DISP3: variants seen among roughly 807,000 people sequenced by gnomAD.
DISP3 encodes dispatched RND transporter family member 3, also known as protein dispatched homolog 3.
DISP3 carries 101 observed loss-of-function variants against 135.3 expected under a neutral mutation model. That is an observed-to-expected ratio of 0.75 (90% CI 0.64 to 0.88). The LOEUF is 0.88. DISP3 is among the 40% of genes least tolerant of loss of function. The probability of loss-of-function intolerance (pLI) is 0.00; values close to 1 mark genes in which losing one functional copy is unlikely to be tolerated. For synonymous variants in DISP3, 856 were observed against 817.0 expected (o/e 1.05, Z -0.81); for missense variants, 1,713 against 1,878.6 (o/e 0.91, Z 1.63).
chr1:11,532,899 T>C (rs1642610593), intron 17 of DISP3, among the ~76,000 whole-genome samples: 1 of 152,062 alleles, frequency 6.6e-6, no homozygotes, highest in Admixed American at 6.6e-5. Flanking sequence ...AGAGACGGGG[T>C]TTCACCATAT....
In DISP3 at chr1:11,488,573, T is replaced by C. The variant is rs563318477; in HGVS notation, c.-4+9201T>C. On this transcript the variant is annotated intron_variant, in intron 1 of 20. Transcript: ENST00000294484. ...CATGTCTCCACCCTCCTCCCTTCCG[T>C]GGGACCCACAGTCCAGCCAGCGCTG... Among the ~76,000 whole-genome samples the C allele has an allele frequency of 5.3e-5, 8 of 152,114 alleles. No individual in the cohort carries two copies. The South Asian group carries it at 1.7e-3, about 32-fold the overall frequency.
intron 1 of DISP3, among the ~76,000 whole-genome samples, chr1:11,480,416 C>T (rs1399193346): frequency 6.6e-6 from 1 of 152,138 alleles, no homozygotes; most frequent in Non-Finnish European, 1.5e-5. Flanking sequence ...TACACACCCA[C>T]CCACAATCCT....
chr1:11,534,961 G>T, intron 18 of DISP3, 50 bp from the exon 19 acceptor site: 1 of 1,490,538 alleles, frequency 6.7e-7, no homozygotes. Flanking sequence ...AGCACAGCTT[G>T]CTGCGACCGC....
In DISP3 at chr1:11,536,990, A is replaced by AG. The variant is rs915017861; in HGVS notation, c.*309dup. The AG allele has an allele frequency of 1.5e-5, 6 of 404,298 alleles. No homozygotes were observed. Among genetic ancestry groups the AG allele is most frequent in the African/African-American group, 6.0e-5 (3 of 49,628 alleles). 25.0% of individuals were successfully genotyped at this position (404,298 alleles called of 1,614,324 possible). A position where few individuals can be genotyped will look rare whatever the true frequency, so the allele number is the denominator to read the frequency against. On this transcript the variant is annotated 3_prime_UTR_variant, in exon 21 of 21. Transcript: ENST00000294484. This position sits in a 1 kb window ranked among gnomAD's most constrained non-coding sequence, Gnocchi z 4.3. ...ACCATGGGGGTCAGGTTATTTTTGTAGGGGGTCTCCCTCTCACACTGCCTC... is the reference window on the plus strand; with the variant it reads ...ACCATGGGGGTCAGGTTATTTTTGTAGGGGGGTCTCCCTCTCACACTGCCTC...
intron 1 of DISP3, among the ~76,000 whole-genome samples, chr1:11,498,537 C>T (rs1456367541): frequency 1.3e-5 from 2 of 152,110 alleles, no homozygotes; most frequent in African/African-American, 4.8e-5. Flanking sequence ...CATTCCTTCC[C>T]CTTGAATCTG....
At position 11,501,507 on chromosome 1, in the gene DISP3, C is replaced by T; in HGVS notation, c.515C>T (p.Pro172Leu). Residue 172 changes from proline (P) to leucine (L), a missense_variant, in exon 2 of 21, where the codon CCC (proline) becomes CTC (leucine). Transcript: ENST00000294484. The surrounding 1 kb of genome is among the most constrained non-coding windows in gnomAD (Gnocchi z 4.9). ...CGCTCGCGGCAAGCCTCCCGAGCCC[C>T]CCGCGTCATCCCCGCGGCCTCACTC... ...GNRSRQASRA[P>L]RVIPAASLGG... 6.2e-7 allele frequency: 1 copy of T among 1,605,700 alleles called. No individual in the cohort carries two copies. Among genetic ancestry groups the T allele is most frequent in the Non-Finnish European group, 8.5e-7 (1 of 1,175,882 alleles).
intron 2 of DISP3, 145 bp from the exon 3 acceptor site, chr1:11,502,533 T>G (rs1570091756): frequency 3.0e-6 from 2 of 660,694 alleles, no homozygotes; most frequent in South Asian, 2.0e-5. Flanking sequence ...CAGAGAGAGG[T>G]TGTGGGGCCT....
chr1:11,492,666 C>T (rs374519581), intron 1 of DISP3, among the ~76,000 whole-genome samples: 6 of 152,236 alleles, frequency 3.9e-5, no homozygotes, highest in Admixed American at 6.5e-5. Context: ...CAACAAAGAT[C>T]GTGTTTCTTA....
intron 1 of DISP3, 22 bp from the exon 2 acceptor site, chr1:11,500,968 T>G (rs756369819): frequency 6.2e-7 from 1 of 1,612,464 alleles, no homozygotes; most frequent in South Asian, 1.1e-5. Context: ...TCTAGCCTGC[T>G]GACCCTCTCC....
chr1:11,489,357 G>T (rs1641121205), intron 1 of DISP3, among the ~76,000 whole-genome samples: 1 of 152,254 alleles, frequency 6.6e-6, no homozygotes, highest in Admixed American at 6.5e-5. Context: ...CTGTAGGAGG[G>T]ATTGCAGTCT....
At chr1:11,480,971 T>C (rs558678126) in intron 1 of DISP3, among the ~76,000 whole-genome samples, 1 of 151,524 alleles carries the variant, frequency 6.6e-6, no homozygotes, top group African/African-American at 2.4e-5. Context: ...GACACACACA[T>C]GTACAATCAG....
chr1:11,496,690 G>A (rs956381282), intron 1 of DISP3, among the ~76,000 whole-genome samples: 2 of 152,220 alleles, frequency 1.3e-5, no homozygotes, highest in Admixed American at 6.5e-5. Flanking sequence ...TGCTGGCTGA[G>A]GCATTCGTGT....
intron 1 of DISP3, among the ~76,000 whole-genome samples, chr1:11,480,282 G>A (rs1321510116): frequency 6.6e-6 from 1 of 152,118 alleles, no homozygotes; most frequent in African/African-American, 2.4e-5. Flanking sequence ...GCGCCTCGCG[G>A]CCGCCCTAGA....
At chr1:11,521,349 G>A (rs1642186270) in intron 10 of DISP3, among the ~76,000 whole-genome samples, 3 of 126,186 alleles carry the variant, frequency 2.4e-5, no homozygotes, top group Non-Finnish European at 3.4e-5. Flanking sequence ...GGAAGAGGAG[G>A]GGTTAGCCAG....
At chr1:11,506,460 G>T (rs1570098727) in intron 3 of DISP3, among the ~76,000 whole-genome samples, 1 of 151,048 alleles carries the variant, frequency 6.6e-6, no homozygotes. Flanking sequence ...CTATGCTTTG[G>T]TTTAGATATT....
rs778028571 is a variant in DISP3, at chr1:11,491,579, C to A, written c.-3-9411C>A. ...TGAACCATCATAGTGTCACTGCACT[C>A]CAGCCTGGGTGACAGAGTGAGATCC... On this transcript the variant is annotated intron_variant, in intron 1 of 20. Transcript: ENST00000294484. This position sits in a 1 kb window ranked among gnomAD's most constrained non-coding sequence, Gnocchi z 4.3. 6.6e-5 allele frequency among the ~76,000 whole-genome samples: 10 copies of A among 152,062 alleles called. No homozygotes were observed. Among genetic ancestry groups the A allele is most frequent in the Non-Finnish European group, 1.5e-4 (10 of 68,024 alleles).
chr1:11,530,944 A>G lies in DISP3; in HGVS notation c.3140A>G (p.Lys1047Arg). Residue 1047 changes from lysine (K) to arginine (R), a missense_variant, in exon 16 of 21, where the codon AAG becomes AGG. Physicochemically the swap from Lys to Arg is conservative, Grantham distance 26 (BLOSUM62 2). Around this residue, in one of 2 missense-constraint regions of DISP3, gnomAD observed 1,142 missense variants for 1,384.6 expected, o/e 0.82. Transcript: ENST00000294484. ...VVYDSSFDLF[K>R]EIGHLCHLCK... ...TACGACAGCAGCTTTGACCTCTTCA[A>G]GGAAATTGGGCACCTGTGTCACCTC... is the stretch of plus-strand genomic sequence containing the variant. 6.2e-7 allele frequency: 1 copy of G among 1,613,996 alleles called. No homozygotes were observed. Among genetic ancestry groups the G allele is most frequent in the Non-Finnish European group, 8.5e-7 (1 of 1,179,964 alleles).
chr1:11,493,993 A>G (rs1309253655), intron 1 of DISP3, among the ~76,000 whole-genome samples: 1 of 152,218 alleles, frequency 6.6e-6, no homozygotes. Context: ...CAAACTTGCT[A>G]AAAGGCAATG....
At chr1:11,535,332 G>A in intron 19 of DISP3, 146 bp from the exon 20 acceptor site, 1 of 1,193,278 alleles carries the variant, frequency 8.4e-7, no homozygotes, top group Non-Finnish European at 1.2e-6. Flanking sequence ...ATGTGTTACT[G>A]CACCTGTCCC....
Sources: allele counts gnomAD v4.1 joint callset (sites outside exome capture counted in the v4.1 genomes callset), GRCh38; gene constraint gnomAD v4.1.1; regional missense constraint gnomAD v4.1.1; non-coding constraint Gnocchi (gnomAD v3.1); transcripts MANE v1.5; gene names NCBI Gene and HGNC (gene_info 2026-07-23, HGNC 2026-07-21).